STPG4: variants seen among roughly 807,000 people sequenced by gnomAD.
STPG4 encodes protein STPG4.
In STPG4, 41 loss-of-function variants were observed where a neutral mutation model predicts 31.5. The observed-to-expected ratio is 1.30, with a 90% CI of 1.01 to 1.69. STPG4 has a LOEUF of 1.69. Ranked by LOEUF, STPG4 falls within the 40% of genes most tolerant of loss-of-function variation. The probability of loss-of-function intolerance (pLI) is 0.00; values close to 1 mark genes in which losing one functional copy is unlikely to be tolerated. For missense variants in STPG4, 375 were observed against 293.4 expected, an observed-to-expected ratio of 1.28 and a Z score of -2.03; for synonymous variants, 141 against 103.0, an observed-to-expected ratio of 1.37 and a Z score of -2.24.
At chr2:47,105,661 A>T (rs1685895631) in intron 5 of STPG4, among the ~76,000 whole-genome samples, 1 of 152,060 alleles carries the variant, frequency 6.6e-6, no homozygotes, top group Non-Finnish European at 1.5e-5. Flanking sequence ...TGGGATACGA[A>T]GGGCAGGTTA....
chr2:47,108,574 C>T (rs1685972211), intron 5 of STPG4: 1 of 171,600 alleles, frequency 5.8e-6, no homozygotes, highest in Non-Finnish European at 1.2e-5. Context: ...CCCACCAATT[C>T]CGGACACATT....
intron 5 of STPG4, among the ~76,000 whole-genome samples, chr2:47,098,977 G>A (rs1219728834): frequency 6.6e-6 from 1 of 152,152 alleles, no homozygotes; most frequent in African/African-American, 2.4e-5. Context: ...CCTGTTAGGG[G>A]CCAAAAGTTA....
chr2:47,106,545 C>T (rs150719945), intron 5 of STPG4, among the ~76,000 whole-genome samples: 3,980 of 152,028 alleles, frequency 0.026, 244 homozygotes, highest in African/African-American at 0.091. Context: ...CCCAAATAGA[C>T]TCTTTGGCAG....
At chr2:47,120,330 C>CA (rs1336554169) in intron 5 of STPG4, among the ~76,000 whole-genome samples, 1 of 151,878 alleles carries the variant, frequency 6.6e-6, no homozygotes, top group African/African-American at 2.4e-5. Context: ...GACTCTGTCT[C>CA]AAAAACAAAA....
In STPG4 at chr2:47,087,001, G is replaced by A. The variant is rs993992990; in HGVS notation, c.*7C>T. ...ACCTCAAAGTAGAGCTTGGTGCCAAGATCACTTTATTTTAAAAGCCAATTG... is the reference window on the plus strand; with the variant it reads ...ACCTCAAAGTAGAGCTTGGTGCCAAAATCACTTTATTTTAAAAGCCAATTG... On this transcript the variant is annotated 3_prime_UTR_variant, in exon 7 of 7. Coordinates refer to ENST00000445927, the MANE Select transcript of STPG4 (RefSeq NM_001163561.2). 6 of 1,551,522 alleles carry A rather than the reference G, an allele frequency of 3.9e-6. No homozygotes were observed. In the African/African-American group the frequency reaches 8.2e-5, roughly 21 times the overall value.
intron 5 of STPG4, among the ~76,000 whole-genome samples, chr2:47,095,489 C>T (rs375427116): frequency 1.7e-4 from 26 of 152,298 alleles, no homozygotes; most frequent in African/African-American, 6.3e-4. Flanking sequence ...ACACCTTGGG[C>T]TGGGACTTCC....
intron 3 of STPG4, among the ~76,000 whole-genome samples, chr2:47,149,109 T>C (rs530181307): frequency 5.3e-5 from 8 of 152,328 alleles, no homozygotes; most frequent in South Asian, 2.1e-4. Context: ...TGTGAATATA[T>C]ATATCTTTGA....
chr2:47,103,639 T>C (rs955345809), intron 5 of STPG4, among the ~76,000 whole-genome samples: 2 of 151,904 alleles, frequency 1.3e-5, no homozygotes, highest in Admixed American at 6.5e-5. Flanking sequence ...TTAAAAAAGA[T>C]TGTCCAATGA....
intron 5 of STPG4, among the ~76,000 whole-genome samples, chr2:47,097,953 T>TAAAAA (rs35729993): frequency 2.3e-5 from 3 of 130,080 alleles, no homozygotes; most frequent in African/African-American, 8.4e-5. Context: ...CCCCATCTCT[T>TAAAAA]AAAAAAAAAA....
intron 5 of STPG4, chr2:47,129,669 G>T (rs1426666908): frequency 1.8e-5 from 6 of 338,986 alleles, no homozygotes; most frequent in Non-Finnish European, 3.2e-5. Context: ...GGGGAGGGTA[G>T]TGTCAGTAAT....
intron 3 of STPG4, among the ~76,000 whole-genome samples, chr2:47,137,163 T>C (rs1403218339): frequency 6.6e-6 from 1 of 152,246 alleles, no homozygotes; most frequent in Non-Finnish European, 1.5e-5. Flanking sequence ...GAAGTTCCTA[T>C]TTCTAGTTTA....
At chr2:47,118,793 G>C (rs1169084958) in intron 5 of STPG4, among the ~76,000 whole-genome samples, 1 of 152,184 alleles carries the variant, frequency 6.6e-6, no homozygotes, top group African/African-American at 2.4e-5. Flanking sequence ...GTCTATGTCA[G>C]TCACTGAACA....
At chr2:47,103,373 G>C (rs1308345888) in intron 5 of STPG4, among the ~76,000 whole-genome samples, 2 of 151,898 alleles carry the variant, frequency 1.3e-5, no homozygotes, top group African/African-American at 4.9e-5. Flanking sequence ...ATCAGCCGCA[G>C]ATATCAGGAG....
chr2:47,101,024 G>C (rs1182822139), intron 5 of STPG4, among the ~76,000 whole-genome samples: 1 of 151,740 alleles, frequency 6.6e-6, no homozygotes, highest in Admixed American at 6.6e-5. Context: ...CAAGCGGTGA[G>C]ACAATCGCCA....
In STPG4 at chr2:47,151,506, T is replaced by C; in HGVS notation, c.151A>G (p.Ile51Val). 1 of 1,613,716 alleles carries C rather than the reference T, an allele frequency of 6.2e-7. No homozygotes were observed. The highest frequency in any genetic ancestry group is 8.5e-7 in the Non-Finnish European group (1 of 1,179,716). ...WWRIALTDTPIPGTYHLKTFI... is the reference protein window; with the variant it reads ...WWRIALTDTPVPGTYHLKTFI... ...GTTTTCAAGTGGTAAGTGCCAGGTA[T>C]AGGAGTATCCTGTGGAAAATTGACA... is the stretch of plus-strand genomic sequence containing the variant. The change falls in exon 3 of 7, where the codon ATA (isoleucine) becomes GTA (valine). Residue 51 changes from isoleucine to valine, a missense_variant. Physicochemically the swap from Ile to Val is conservative, Grantham distance 29. Coordinates refer to ENST00000445927, the MANE Select transcript of STPG4 (RefSeq NM_001163561.2).
intron 5 of STPG4, among the ~76,000 whole-genome samples, chr2:47,120,667 A>T (rs569868510): frequency 2.2e-4 from 33 of 152,196 alleles, no homozygotes; most frequent in African/African-American, 6.5e-4. Context: ...GGTTTCAGTC[A>T]TATGTTAAGA....
chr2:47,110,086 T>G (rs1432535164), intron 5 of STPG4, among the ~76,000 whole-genome samples: 9 of 152,024 alleles, frequency 5.9e-5, no homozygotes, highest in Non-Finnish European at 1.0e-4. Context: ...AAGATGTGTG[T>G]GTCTCATTTT....
chr2:47,092,431 G>A (rs1281471953), intron 5 of STPG4, among the ~76,000 whole-genome samples: 2 of 150,950 alleles, frequency 1.3e-5, no homozygotes, highest in African/African-American at 4.9e-5. Flanking sequence ...GGGAGGCTGA[G>A]GTGAGAGGAT....
At chr2:47,147,491 G>A (rs147583951) in intron 3 of STPG4, among the ~76,000 whole-genome samples, 12 of 152,284 alleles carry the variant, frequency 7.9e-5, no homozygotes, top group African/African-American at 2.4e-4. Flanking sequence ...AATTGTTAGG[G>A]TTGGGATATT....
Sources: allele counts gnomAD v4.1 joint callset (sites outside exome capture counted in the v4.1 genomes callset), GRCh38; gene constraint gnomAD v4.1.1; transcripts MANE v1.5; gene names NCBI Gene and HGNC (gene_info 2026-07-23, HGNC 2026-07-21).